The following AUTS2 variants were observed in gnomAD, a reference collection of about 807,000 sequenced individuals.
AUTS2 encodes the protein activator of transcription and developmental regulator AUTS2.
In AUTS2, 17 loss-of-function variants were observed where a neutral mutation model predicts 112.4. The observed-to-expected ratio is 0.15, with a 90% CI of 0.10 to 0.23. The LOEUF is 0.23. Ranked by LOEUF, AUTS2 falls within the 10% of genes least tolerant of loss-of-function variation. The pLI is 1.00. For synonymous variants in AUTS2, 751 were observed against 702.7 expected (o/e 1.07, Z -1.09); for missense variants, 1,510 against 1,701.6 (o/e 0.89, Z 1.98).
At chr7:70,060,400 T>G (rs1435165145) in intron 2 of AUTS2, among the ~76,000 whole-genome samples, 1 of 152,110 alleles carries the variant, frequency 6.6e-6, no homozygotes, top group African/African-American at 2.4e-5. Context: ...ACTTGGGAAT[T>G]TATTAGAAAT....
At chr7:70,231,068 A>T (rs1015091164) in intron 4 of AUTS2, among the ~76,000 whole-genome samples, 2 of 152,186 alleles carry the variant, frequency 1.3e-5, no homozygotes, top group South Asian at 4.1e-4. Context: ...AACACTTCTC[A>T]GTTTATTGCA....
intron 5 of AUTS2, among the ~76,000 whole-genome samples, chr7:70,640,659 G>A (rs1805779121): frequency 6.6e-6 from 1 of 152,064 alleles, no homozygotes; most frequent in South Asian, 2.1e-4. Context: ...TTGTGGGCGG[G>A]GATTGAAAGA....
chr7:69,694,520 T>C (rs1268559320), intron 1 of AUTS2, among the ~76,000 whole-genome samples: 1 of 152,148 alleles, frequency 6.6e-6, no homozygotes, highest in East Asian at 1.9e-4. Flanking sequence ...GGCTCACACC[T>C]GTAATCCCAG....
intron 5 of AUTS2, among the ~76,000 whole-genome samples, chr7:70,471,585 G>T (rs547841732): frequency 3.9e-5 from 6 of 151,998 alleles, no homozygotes; most frequent in African/African-American, 1.5e-4. Flanking sequence ...TATTATAGGC[G>T]CTGGGGATAT....
chr7:70,697,639 T>C (rs1809198337), intron 5 of AUTS2, among the ~76,000 whole-genome samples: 1 of 148,172 alleles, frequency 6.7e-6, no homozygotes, highest in Non-Finnish European at 1.5e-5. Context: ...AATATGCATC[T>C]CTGTGTATCA....
intron 4 of AUTS2, among the ~76,000 whole-genome samples, chr7:70,194,177 A>G (rs1810048956): frequency 6.6e-6 from 1 of 152,222 alleles, no homozygotes; most frequent in East Asian, 1.9e-4. Flanking sequence ...TGGGAGGTCA[A>G]GATGGGTAGA....
At chr7:70,137,081 G>T (rs897734704) in intron 4 of AUTS2, among the ~76,000 whole-genome samples, 3 of 152,116 alleles carry the variant, frequency 2.0e-5, no homozygotes, top group Non-Finnish European at 2.9e-5. Flanking sequence ...TTTTGATCTG[G>T]TTGTATTTGT....
At chr7:70,351,176 G>A (rs1169156442) in intron 4 of AUTS2, among the ~76,000 whole-genome samples, 2 of 151,090 alleles carry the variant, frequency 1.3e-5, no homozygotes, top group South Asian at 2.1e-4. Flanking sequence ...TCAGCCTCCC[G>A]AATAGCTGGG....
At chr7:70,038,641 G>C (rs1302410030) in intron 2 of AUTS2, among the ~76,000 whole-genome samples, 1 of 151,962 alleles carries the variant, frequency 6.6e-6, no homozygotes, top group African/African-American at 2.4e-5. Flanking sequence ...CTTGGTTTAG[G>C]AGTTTACACA....
chr7:70,404,569 CT>C (rs1384218732), intron 4 of AUTS2, among the ~76,000 whole-genome samples: 2 of 152,148 alleles, frequency 1.3e-5, no homozygotes, highest in African/African-American at 4.8e-5. Flanking sequence ...AAGTGTGTGG[CT>C]CAGGCATAGA....
intron 5 of AUTS2, among the ~76,000 whole-genome samples, chr7:70,582,375 A>G (rs1585330780): frequency 6.6e-6 from 1 of 152,196 alleles, no homozygotes; most frequent in South Asian, 2.1e-4. Context: ...GCTGAGGCCT[A>G]CGGAGTGGGT....
intron 5 of AUTS2, among the ~76,000 whole-genome samples, chr7:70,582,351 A>G (rs1220056101): frequency 6.6e-6 from 1 of 152,180 alleles, no homozygotes; most frequent in Admixed American, 6.5e-5. Context: ...TATACAAAGC[A>G]TCCCATATTT....
intron 1 of AUTS2, among the ~76,000 whole-genome samples, chr7:69,830,762 C>T (rs572456252): frequency 6.5e-4 from 99 of 152,270 alleles, no homozygotes; most frequent in South Asian, 6.4e-3. Flanking sequence ...ACACTTAAAT[C>T]GTTTTCTTTG....
At chr7:70,751,374 A>T (rs1031649932) in intron 6 of AUTS2, among the ~76,000 whole-genome samples, 1 of 152,218 alleles carries the variant, frequency 6.6e-6, no homozygotes, top group Non-Finnish European at 1.5e-5. Flanking sequence ...TCTTTATTTT[A>T]TTCAACTTAA....
intron 14 of AUTS2, among the ~76,000 whole-genome samples, chr7:70,781,236 C>G (rs983412697): frequency 6.6e-6 from 1 of 151,992 alleles, no homozygotes; most frequent in African/African-American, 2.4e-5. Context: ...TGGGAGGCAC[C>G]TGTAATCCCA....
intron 5 of AUTS2, among the ~76,000 whole-genome samples, chr7:70,620,836 C>T (rs181539277): frequency 6.6e-6 from 1 of 152,054 alleles, no homozygotes; most frequent in Non-Finnish European, 1.5e-5. Flanking sequence ...TGTTTTGTTA[C>T]CGTCCCCTCT....
chr7:70,472,475 G>C (rs927354165), intron 5 of AUTS2, among the ~76,000 whole-genome samples: 3 of 151,686 alleles, frequency 2.0e-5, no homozygotes, highest in African/African-American at 7.3e-5. Flanking sequence ...CTGGGTAAAG[G>C]GGGGAACATG....
intron 4 of AUTS2, among the ~76,000 whole-genome samples, chr7:70,148,477 T>C (rs541121288): frequency 6.6e-6 from 1 of 152,172 alleles, no homozygotes; most frequent in African/African-American, 2.4e-5. Context: ...TCTCATCAAC[T>C]CATCTCATGA....
At chr7:70,421,643 TGAG>T (rs1016407509) in intron 4 of AUTS2, among the ~76,000 whole-genome samples, 6 of 152,234 alleles carry the variant, frequency 3.9e-5, no homozygotes, top group African/African-American at 1.4e-4. Flanking sequence ...TCTGCCCTGA[TGAG>T]GAGTCACTCG....
Sources: allele counts gnomAD v4.1 joint callset (sites outside exome capture counted in the v4.1 genomes callset), GRCh38; gene constraint gnomAD v4.1.1; transcripts MANE v1.5; gene names NCBI Gene and HGNC (gene_info 2026-07-23, HGNC 2026-07-21).